Variants in LCLAT1 observed in about 807,000 individuals in gnomAD.
LCLAT1 encodes 1-AGP acyltransferase 8.
Under a neutral mutation model 30.7 loss-of-function variants are expected in LCLAT1, and 11 were observed. That is an observed-to-expected ratio of 0.36 (90% CI 0.23 to 0.59). The LOEUF (loss-of-function observed/expected upper bound fraction) is 0.59, where lower values mean the gene tolerates loss of function less well. LCLAT1 is among the 20% of genes least tolerant of loss of function. The probability of loss-of-function intolerance (pLI) is 0.77; values close to 1 mark genes in which losing one functional copy is unlikely to be tolerated. For missense variants in LCLAT1, 402 were observed against 458.6 expected, an observed-to-expected ratio of 0.88 and a Z score of 1.13; for synonymous variants, 155 against 151.3, an observed-to-expected ratio of 1.02 and a Z score of -0.18.
intron 5 of LCLAT1, among the ~76,000 whole-genome samples, chr2:30,571,573 C>T (rs1572641754): frequency 6.6e-6 from 1 of 152,192 alleles, no homozygotes; most frequent in East Asian, 1.9e-4. Flanking sequence ...CCAACAGAAA[C>T]CCATCTCTGG....
At chr2:30,544,320 G>A (rs1476354343) in intron 3 of LCLAT1, among the ~76,000 whole-genome samples, 1 of 152,172 alleles carries the variant, frequency 6.6e-6, no homozygotes, top group Non-Finnish European at 1.5e-5. Flanking sequence ...CTAGAAAATG[G>A]AAACTGCTTA....
chr2:30,463,098 CTT>C (rs1682245274), intron 1 of LCLAT1, among the ~76,000 whole-genome samples: 4 of 151,746 alleles, frequency 2.6e-5, no homozygotes, highest in African/African-American at 9.7e-5. Flanking sequence ...GATCCTCTCT[CTT>C]AATAAAAAAA....
intron 5 of LCLAT1, among the ~76,000 whole-genome samples, chr2:30,623,522 C>T (rs997833559): frequency 7.2e-5 from 11 of 151,886 alleles, no homozygotes; most frequent in African/African-American, 2.7e-4. Flanking sequence ...CTTCAGAGCT[C>T]AGACAAGGCT....
intron 5 of LCLAT1, among the ~76,000 whole-genome samples, chr2:30,598,099 T>A (rs942103516): frequency 1.3e-5 from 2 of 152,172 alleles, no homozygotes; most frequent in African/African-American, 4.8e-5. Context: ...GGCCTGAAGT[T>A]TTCTTTTTTT....
chr2:30,628,115 C>A (rs1022537751), intron 5 of LCLAT1, among the ~76,000 whole-genome samples: 1 of 151,986 alleles, frequency 6.6e-6, no homozygotes, highest in Admixed American at 6.6e-5. Flanking sequence ...CAGTGATTAC[C>A]TAAAAACAGA....
At chr2:30,623,804 T>C (rs1416852445) in intron 5 of LCLAT1, among the ~76,000 whole-genome samples, 1 of 152,242 alleles carries the variant, frequency 6.6e-6, no homozygotes, top group South Asian at 2.1e-4. Context: ...CCTAGGCACA[T>C]AGTCATCAGG....
chr2:30,615,449 A>G (rs1017667239), intron 5 of LCLAT1, among the ~76,000 whole-genome samples: 7 of 152,190 alleles, frequency 4.6e-5, no homozygotes, highest in Admixed American at 2.6e-4. Context: ...TGAGAAAAGC[A>G]AAGTCATGAA....
intron 5 of LCLAT1, among the ~76,000 whole-genome samples, chr2:30,612,947 G>A (rs1667811246): frequency 6.6e-6 from 1 of 152,132 alleles, no homozygotes; most frequent in East Asian, 1.9e-4. Flanking sequence ...AAAATTTATA[G>A]TATGTCAGAT....
intron 5 of LCLAT1, among the ~76,000 whole-genome samples, chr2:30,601,605 G>T (rs536067508): frequency 2.0e-5 from 3 of 151,988 alleles, no homozygotes; most frequent in African/African-American, 7.3e-5. Flanking sequence ...GTATTCACAT[G>T]AATATGACTA....
At chr2:30,524,477 T>TA (rs1419273590) in intron 1 of LCLAT1, among the ~76,000 whole-genome samples, 1 of 152,222 alleles carries the variant, frequency 6.6e-6, no homozygotes, top group Non-Finnish European at 1.5e-5. Flanking sequence ...TGGTTTGAGT[T>TA]ACCCACAGTC....
chr2:30,586,190 C>A (rs1000325052), intron 5 of LCLAT1, among the ~76,000 whole-genome samples: 1 of 140,846 alleles, frequency 7.1e-6, no homozygotes, highest in Non-Finnish European at 1.5e-5. Context: ...CTTGCGAAGC[C>A]GAGATCGCGC....
At position 30,447,338 on chromosome 2, in the gene LCLAT1, C is replaced by G. The variant is rs1681299963; in HGVS notation, c.-50C>G. On this transcript the variant is annotated 5_prime_UTR_variant, in exon 1 of 6. Transcript: ENST00000379509. ...TGACCCCTACGGAGCCCCAGCTTGCCCACGCACCCCACTCGGCGTCGCGCG... is the reference window on the plus strand; with the variant it reads ...TGACCCCTACGGAGCCCCAGCTTGCGCACGCACCCCACTCGGCGTCGCGCG... 1 of 152,156 alleles carries G rather than the reference C, an allele frequency of 6.6e-6. No individual in the cohort carries two copies. The highest frequency in any genetic ancestry group is 2.1e-4 in the South Asian group (1 of 4,816). The allele number at this position is 152,156 out of a possible 1,614,324, so 9.4% of individuals were successfully genotyped here.
intron 5 of LCLAT1, among the ~76,000 whole-genome samples, chr2:30,604,924 A>C (rs1033137430): frequency 1.3e-5 from 2 of 152,180 alleles, no homozygotes; most frequent in Non-Finnish European, 2.9e-5. Context: ...TGCCAGGAAA[A>C]AGGCTGCCTC....
chr2:30,491,224 T>C (rs916744341), intron 1 of LCLAT1, among the ~76,000 whole-genome samples: 2 of 152,188 alleles, frequency 1.3e-5, no homozygotes, highest in Non-Finnish European at 2.9e-5. Flanking sequence ...ATATTGGCCA[T>C]GGATAAAGTA....
chr2:30,593,369 T>G (rs1321823695), intron 5 of LCLAT1, among the ~76,000 whole-genome samples: 1 of 152,220 alleles, frequency 6.6e-6, no homozygotes, highest in East Asian at 1.9e-4. Flanking sequence ...GCAATAAACA[T>G]GAGAGTGCAG....
At chr2:30,579,331 T>C (rs565975894) in intron 5 of LCLAT1, among the ~76,000 whole-genome samples, 3 of 152,186 alleles carry the variant, frequency 2.0e-5, no homozygotes, top group Non-Finnish European at 2.9e-5. Context: ...GGTGTTTATA[T>C]TTAAGTATTT....
At chr2:30,621,500 C>G (rs550132120) in intron 5 of LCLAT1, among the ~76,000 whole-genome samples, 1 of 152,110 alleles carries the variant, frequency 6.6e-6, no homozygotes, top group East Asian at 1.9e-4. Flanking sequence ...AGACTCACAT[C>G]GTGGGCTTTT....
At chr2:30,505,353 A>G (rs1468130494) in intron 1 of LCLAT1, among the ~76,000 whole-genome samples, 1 of 147,472 alleles carries the variant, frequency 6.8e-6, no homozygotes, top group African/African-American at 2.5e-5. Context: ...TTTTTTAACA[A>G]TCTACAGGAG....
chr2:30,473,625 C>T (rs972324946), intron 1 of LCLAT1, among the ~76,000 whole-genome samples: 15 of 152,092 alleles, frequency 9.9e-5, no homozygotes, highest in African/African-American at 1.7e-4. Context: ...AACATGGATG[C>T]GTTCTATGGA....
Sources: gnomAD v4.1 joint callset for allele counts (sites outside exome capture counted in the v4.1 genomes callset) on GRCh38, gnomAD v4.1.1 for gene constraint, MANE v1.5 for transcripts, NCBI Gene and HGNC (gene_info 2026-07-23, HGNC 2026-07-21) for gene names.